Variants in MIPOL1 observed in about 807,000 individuals in gnomAD.
MIPOL1 encodes the protein mirror-image polydactyly gene 1 protein.
Under a neutral mutation model 60.9 loss-of-function variants are expected in MIPOL1, and 57 were observed. The ratio of observed to expected loss-of-function variants is 0.94; its 90% CI spans 0.76 to 1.17. MIPOL1 has a LOEUF of 1.17. MIPOL1 is among the 50% of genes most tolerant of loss of function. The probability of loss-of-function intolerance (pLI) is 0.00; values close to 1 mark genes in which losing one functional copy is unlikely to be tolerated. For synonymous variants in MIPOL1, 179 were observed against 168.8 expected (o/e 1.06, Z -0.47); for missense variants, 551 against 511.6 (o/e 1.08, Z -0.74).
intron 11 of MIPOL1, among the ~76,000 whole-genome samples, chr14:37,458,820 C>A (rs1324673467): frequency 1.3e-5 from 2 of 151,544 alleles, no homozygotes; most frequent in African/African-American, 4.9e-5. Flanking sequence ...CCGCTGCACT[C>A]CAGCCTGGGC....
intron 7 of MIPOL1, among the ~76,000 whole-genome samples, chr14:37,299,179 C>T (rs1384271613): frequency 6.6e-6 from 1 of 151,696 alleles, no homozygotes; most frequent in African/African-American, 2.4e-5. Flanking sequence ...CCATCATTCT[C>T]AGCAAACTAT....
intron 10 of MIPOL1, among the ~76,000 whole-genome samples, chr14:37,381,822 T>A (rs935452635): frequency 1.3e-5 from 2 of 151,932 alleles, no homozygotes; most frequent in African/African-American, 4.8e-5. Flanking sequence ...ACTCCTGAGC[T>A]TAAGCTATCT....
chr14:37,340,693 C>CAA (rs34138949), intron 9 of MIPOL1, among the ~76,000 whole-genome samples: 1 of 98,386 alleles, frequency 1.0e-5, no homozygotes, highest in Non-Finnish European at 2.2e-5. Context: ...GACCCTGTCT[C>CAA]AAAAAAAAAA....
chr14:37,386,187 T>C (rs1427225118), intron 10 of MIPOL1, among the ~76,000 whole-genome samples: 1 of 152,068 alleles, frequency 6.6e-6, no homozygotes, highest in African/African-American at 2.4e-5. Context: ...CTCTGAAATA[T>C]TATATAAACT....
intron 12 of MIPOL1, among the ~76,000 whole-genome samples, chr14:37,539,858 A>G (rs1465825370): frequency 6.6e-6 from 1 of 152,126 alleles, no homozygotes; most frequent in East Asian, 1.9e-4. Flanking sequence ...CAAATCTCAT[A>G]TTGAATTGTA....
intron 9 of MIPOL1, among the ~76,000 whole-genome samples, chr14:37,360,367 T>C (rs1639204480): frequency 6.6e-6 from 1 of 152,212 alleles, no homozygotes; most frequent in East Asian, 1.9e-4. Flanking sequence ...TCTTTCTCTA[T>C]TGATTGGAAT....
intron 1 of MIPOL1, among the ~76,000 whole-genome samples, chr14:37,213,912 C>T (rs1156988847): frequency 1.3e-5 from 2 of 151,460 alleles, no homozygotes; most frequent in Non-Finnish European, 2.9e-5. Flanking sequence ...GAGTTAGTGT[C>T]ATGACATATT....
intron 12 of MIPOL1, among the ~76,000 whole-genome samples, chr14:37,514,498 G>A (rs1360459149): frequency 6.6e-6 from 1 of 152,088 alleles, no homozygotes; most frequent in African/African-American, 2.4e-5. Flanking sequence ...CATTAGACTT[G>A]ATGTAACATA....
intron 12 of MIPOL1, among the ~76,000 whole-genome samples, chr14:37,500,391 G>T (rs2095198472): frequency 6.6e-6 from 1 of 152,032 alleles, no homozygotes; most frequent in Non-Finnish European, 1.5e-5. Context: ...AGTTCATGGA[G>T]GCCATACTAT....
At chr14:37,332,087 G>A (rs913521914) in intron 9 of MIPOL1, among the ~76,000 whole-genome samples, 8 of 151,968 alleles carry the variant, frequency 5.3e-5, no homozygotes, top group African/African-American at 1.2e-4. Flanking sequence ...GTAGTGAGCC[G>A]AGATCGTGCC....
chr14:37,228,509 A>G (rs1180680375), intron 1 of MIPOL1, among the ~76,000 whole-genome samples: 1 of 151,946 alleles, frequency 6.6e-6, no homozygotes, highest in Non-Finnish European at 1.5e-5. Flanking sequence ...GTCCTCGTAA[A>G]TAGAACAAAC....
intron 11 of MIPOL1, among the ~76,000 whole-genome samples, chr14:37,490,625 T>C (rs1278523466): frequency 6.6e-6 from 1 of 152,190 alleles, no homozygotes; most frequent in African/African-American, 2.4e-5. Flanking sequence ...GCGAAGACTA[T>C]GGGAAAACCT....
chr14:37,270,638 C>G, intron 6 of MIPOL1, 113 bp downstream of exon 6: 1 of 312,608 alleles, frequency 3.2e-6, no homozygotes, highest in East Asian at 5.4e-5. Flanking sequence ...AGGGGAAGCT[C>G]TCCTTTTTTT....
At chr14:37,279,275 CAGT>C (rs375511757) in intron 6 of MIPOL1, among the ~76,000 whole-genome samples, 26 of 149,408 alleles carry the variant, frequency 1.7e-4, no homozygotes, top group South Asian at 1.5e-3. Context: ...ATGCAATTAA[CAGT>C]AGATTTTACA....
chr14:37,232,709 C>G (rs1349586935), intron 1 of MIPOL1, among the ~76,000 whole-genome samples: 2 of 152,094 alleles, frequency 1.3e-5, no homozygotes, highest in Non-Finnish European at 2.9e-5. Context: ...TTTCTAAGAC[C>G]AAATTCACTT....
Position 37,320,094 on chromosome 14 carries a change from C to G in MIPOL1, c.828+11575C>G, listed in dbSNP as rs1009687475. 3.3e-5 allele frequency among the ~76,000 whole-genome samples: 5 copies of G among 152,114 alleles called. No homozygotes were observed. The East Asian group carries it at 9.7e-4, about 29-fold the overall frequency. On this transcript the variant is annotated intron_variant, in intron 9 of 12. Coordinates refer to ENST00000684589, the MANE Select transcript of MIPOL1 (RefSeq NM_001388067.1). ...AATTTAGATTGTTTTCATTTTTAAC[C>G]TATTATGCATGAAGTATTATAGAGA... is the stretch of plus-strand genomic sequence containing the variant.
intron 1 of MIPOL1, among the ~76,000 whole-genome samples, chr14:37,213,762 T>C (rs7148710): frequency 0.45 from 68,412 of 151,908 alleles, 17,878 homozygotes; most frequent in African/African-American, 0.73. Flanking sequence ...AGAAGACTAT[T>C]TCAAGGCATT....
At chr14:37,498,132 A>T (rs996542943) in intron 11 of MIPOL1, among the ~76,000 whole-genome samples, 1 of 152,200 alleles carries the variant, frequency 6.6e-6, no homozygotes, top group African/African-American at 2.4e-5. Context: ...CCAGACAAAA[A>T]GTTTAAAAAT....
chr14:37,391,128 C>G (rs2093224877), intron 10 of MIPOL1, among the ~76,000 whole-genome samples: 1 of 151,604 alleles, frequency 6.6e-6, no homozygotes, highest in Admixed American at 6.6e-5. Context: ...TGTTAAAGCT[C>G]CAAAAAAAAA....
Sources: allele counts gnomAD v4.1 joint callset (sites outside exome capture counted in the v4.1 genomes callset), GRCh38; gene constraint gnomAD v4.1.1; transcripts MANE v1.5; gene names NCBI Gene and HGNC (gene_info 2026-07-23, HGNC 2026-07-21).